The following ARHGEF28 variants were observed in gnomAD, a reference collection of about 807,000 sequenced individuals.
The protein encoded by ARHGEF28 is 190 kDa guanine nucleotide exchange factor.
In ARHGEF28, 152 loss-of-function variants were observed where a neutral mutation model predicts 206.6. The ratio of observed to expected loss-of-function variants is 0.74; its 90% CI spans 0.64 to 0.84. The LOEUF is 0.84. ARHGEF28 is among the 40% of genes least tolerant of loss of function. The probability of loss-of-function intolerance (pLI) is 0.00; values close to 1 mark genes in which losing one functional copy is unlikely to be tolerated. For synonymous variants in ARHGEF28, 763 were observed against 776.4 expected (o/e 0.98, Z 0.29); for missense variants, 2,028 against 2,073.2 (o/e 0.98, Z 0.42).
chr5:73,875,925 A>G (rs1760447380), intron 22 of ARHGEF28, among the ~76,000 whole-genome samples: 1 of 152,000 alleles, frequency 6.6e-6, no homozygotes, highest in Admixed American at 6.5e-5. Flanking sequence ...TTCCATATGA[A>G]CTTTCAAGTA....
chr5:73,917,730 C>T lies in ARHGEF28; in HGVS notation c.4948+6155C>T, dbSNP rs562114368. Among the ~76,000 whole-genome samples the T allele has an allele frequency of 2.0e-5, 3 of 152,298 alleles. No individual in the cohort carries two copies. The East Asian group carries it at 5.8e-4, about 29-fold the overall frequency. ...GACAAGCTGCTGAAGTGTGGGAGTC[C>T]ACATGGTGTGAATGCTCCAGAGAGC... On this transcript the variant is annotated intron_variant, in intron 35 of 35. Transcript: ENST00000513042.
chr5:73,778,702 A>T (rs57864646), intron 6 of ARHGEF28, among the ~76,000 whole-genome samples: 10,723 of 152,200 alleles, frequency 0.07, 378 homozygotes, highest in African/African-American at 0.088. Context: ...TCTTATCTAA[A>T]TTTTTTGTGA....
intron 1 of ARHGEF28, among the ~76,000 whole-genome samples, chr5:73,650,273 CTTTCTT>C (rs1313946273): frequency 1.9e-5 from 2 of 106,660 alleles, no homozygotes; most frequent in Admixed American, 1.1e-4. Flanking sequence ...TGTTTTCTTT[CTTTCTT>C]TTTTTTTTTT....
At chr5:73,930,492 G>A (rs984086540) in intron 35 of ARHGEF28, among the ~76,000 whole-genome samples, 4 of 152,130 alleles carry the variant, frequency 2.6e-5, no homozygotes, top group Admixed American at 2.6e-4. Flanking sequence ...AATTCTTTTG[G>A]GATAGCTTTA....
At chr5:73,767,874 C>G (rs1327239452) in intron 4 of ARHGEF28, among the ~76,000 whole-genome samples, 5 of 152,126 alleles carry the variant, frequency 3.3e-5, no homozygotes, top group Non-Finnish European at 7.3e-5. Context: ...GGCCCAGAGG[C>G]CTAGGAGGAA....
chr5:73,752,748 T>C (rs1752082325), intron 3 of ARHGEF28, among the ~76,000 whole-genome samples, 161 bp from the exon 4 acceptor site: 1 of 152,192 alleles, frequency 6.6e-6, no homozygotes, highest in East Asian at 1.9e-4. Context: ...TTGGCCCACA[T>C]GCTTGGCAGT....
chr5:73,645,910 G>T (rs535365064), intron 1 of ARHGEF28, among the ~76,000 whole-genome samples: 17 of 151,962 alleles, frequency 1.1e-4, no homozygotes, highest in African/African-American at 4.1e-4. Flanking sequence ...TGTGGTCAGT[G>T]GGTAACTACA....
intron 1 of ARHGEF28, among the ~76,000 whole-genome samples, chr5:73,636,213 T>C (rs1743708067): frequency 6.6e-6 from 1 of 152,202 alleles, no homozygotes; most frequent in Non-Finnish European, 1.5e-5. Flanking sequence ...CTTAGGTTGT[T>C]ACAATAAAAA....
At position 73,858,068 on chromosome 5, in the gene ARHGEF28, G is replaced by T; in HGVS notation, c.1915-19G>T. On this transcript the variant is annotated intron_variant, in intron 15 of 35. Transcript: ENST00000513042. ...TCTCATTTTTCCCCACTTTCCTACT[G>T]CTGCTGCTGCATCTGAAGACAAAAA... is the stretch of plus-strand genomic sequence containing the variant. The T allele has an allele frequency of 6.3e-7, 1 of 1,581,226 alleles. No homozygotes were observed.
At chr5:73,883,680 TG>T in intron 23 of ARHGEF28, 86 bp from the exon 24 acceptor site, 1 of 713,972 alleles carries the variant, frequency 1.4e-6, no homozygotes, top group Admixed American at 3.5e-5. Context: ...AAAATTGTAC[TG>T]TTGCAGATTC....
intron 7 of ARHGEF28, among the ~76,000 whole-genome samples, chr5:73,785,799 T>C (rs938732300): frequency 2.6e-5 from 4 of 152,008 alleles, no homozygotes; most frequent in African/African-American, 9.7e-5. Context: ...GAAATAGGGA[T>C]TGGAACATGT....
intron 35 of ARHGEF28, among the ~76,000 whole-genome samples, chr5:73,917,870 G>T (rs1018811980): frequency 1.3e-5 from 2 of 152,268 alleles, no homozygotes; most frequent in African/African-American, 4.8e-5. Flanking sequence ...GACCTCTCTA[G>T]TATGATGTGG....
intron 35 of ARHGEF28, among the ~76,000 whole-genome samples, chr5:73,924,757 A>G (rs1763706749): frequency 6.6e-6 from 1 of 152,186 alleles, no homozygotes; most frequent in South Asian, 2.1e-4. Flanking sequence ...TTGGGAAGGC[A>G]CAACTTTTCC....
chr5:73,690,832 T>G (rs1747776230), intron 2 of ARHGEF28, among the ~76,000 whole-genome samples: 1 of 152,188 alleles, frequency 6.6e-6, no homozygotes, highest in Non-Finnish European at 1.5e-5. Context: ...TTTTCCTCAA[T>G]TAAAATGGCT....
chr5:73,792,278 T>C (rs960095798), intron 7 of ARHGEF28, among the ~76,000 whole-genome samples: 5 of 152,220 alleles, frequency 3.3e-5, no homozygotes, highest in Non-Finnish European at 7.3e-5. Flanking sequence ...TGCACTGGAC[T>C]ACACGGAAAA....
chr5:73,715,916 C>T (rs78043557), intron 2 of ARHGEF28, among the ~76,000 whole-genome samples: 1,697 of 152,282 alleles, frequency 0.011, 40 homozygotes, highest in African/African-American at 0.038. Flanking sequence ...ATGTGCTAAT[C>T]GGAGTTCCAT....
At chr5:73,685,124 A>T (rs1747375061) in intron 2 of ARHGEF28, among the ~76,000 whole-genome samples, 1 of 152,104 alleles carries the variant, frequency 6.6e-6, no homozygotes, top group African/African-American at 2.4e-5. Flanking sequence ...TAATTTCTGG[A>T]TTCAAACACT....
chr5:73,846,275 C>CACAACCT lies in ARHGEF28; in HGVS notation c.1435_1436insACAACCT (p.Leu479HisfsTer4). ...GCTGGCTTTGTGCTTTAGTTCTAGC[C>CACAACCT]TTGATGCCTTGGACGCCGACAGTGA... On this transcript the variant is annotated frameshift_variant, in exon 12 of 36. Coordinates refer to ENST00000513042, the MANE Select transcript of ARHGEF28 (RefSeq NM_001177693.2). LOFTEE classifies it high-confidence loss of function. 1.9e-6 allele frequency: 3 copies of CACAACCT among 1,613,328 alleles called. No individual in the cohort carries two copies. The highest frequency in any genetic ancestry group is 2.5e-6 in the Non-Finnish European group (3 of 1,179,672).
At chr5:73,780,776 CCA>C (rs1190649237) in intron 7 of ARHGEF28, 31 bp downstream of exon 7, 2 of 1,548,608 alleles carry the variant, frequency 1.3e-6, no homozygotes, top group Admixed American at 2.0e-5. Flanking sequence ...CTTATGGCAG[CCA>C]CAGAGTGCTC....
Sources: allele counts gnomAD v4.1 joint callset (sites outside exome capture counted in the v4.1 genomes callset), GRCh38; gene constraint gnomAD v4.1.1; transcripts MANE v1.5; gene names NCBI Gene and HGNC (gene_info 2026-07-23, HGNC 2026-07-21).